The following MOK variants were observed in gnomAD, a reference collection of about 807,000 sequenced individuals.
MOK encodes MAPK/MAK/MRK overlapping kinase.
MOK carries 59 observed loss-of-function variants against 54.2 expected under a neutral mutation model. The ratio of observed to expected loss-of-function variants is 1.09; its 90% CI spans 0.88 to 1.35. The LOEUF is 1.35. Among genes scored for constraint, MOK ranks in the 40% most tolerant of loss-of-function variants. The pLI is 0.00. For missense variants in MOK, 517 were observed against 526.2 expected (o/e 0.98, Z 0.17); for synonymous variants, 210 against 202.7 (o/e 1.04, Z -0.31).
At chr14:102,287,512 T>C (rs2070264125) in intron 1 of MOK, among the ~76,000 whole-genome samples, 1 of 152,162 alleles carries the variant, frequency 6.6e-6, no homozygotes, top group Admixed American at 6.6e-5. Context: ...CTAGAATATA[T>C]AAATAAGTCT....
downstream of MOK, chr14:102,225,971 G>A: frequency 3.1e-6 from 1 of 319,260 alleles, no homozygotes; most frequent in Non-Finnish European, 5.8e-6. Flanking sequence ...ATTAGGCCCA[G>A]AAGAAGCCAG....
the MOK span, among the ~76,000 whole-genome samples, chr14:102,218,241 G>C: frequency 2.8e-4 from 42 of 152,372 alleles, no homozygotes; most frequent in Non-Finnish European, 4.4e-5. Flanking sequence ...GTATTGAACA[G>C]TCCCAGGTGG....
intron 1 of MOK, among the ~76,000 whole-genome samples, chr14:102,295,771 A>G (rs1467302347): frequency 1.3e-5 from 2 of 152,224 alleles, no homozygotes; most frequent in Non-Finnish European, 2.9e-5. Context: ...AATTCTTAAA[A>G]TTTTAAAATT....
rs1301330553 is a variant in MOK at position 102,231,799 on chromosome 14, C to G, written c.889G>C (p.Gly297Arg). 1 of 1,611,980 alleles carries G rather than the reference C, an allele frequency of 6.2e-7. No individual in the cohort carries two copies. Among genetic ancestry groups the G allele is most frequent in the Non-Finnish European group, 8.5e-7 (1 of 1,178,978 alleles). Residue 297 changes from glycine to arginine, a missense_variant, in exon 10 of 12, where the codon GGC becomes CGC. Gly to Arg is a moderately radical substitution (Grantham distance 125). Coordinates refer to ENST00000361847, the MANE Select transcript of MOK (RefSeq NM_014226.3). The surrounding 1 kb of genome is among the most constrained non-coding windows in gnomAD (Gnocchi z 4.4). The stretch of plus-strand genomic sequence containing the variant: ...GGAAAGCCAGCTTTTCTGTGGCTGC[C>G]CAGAGCCCGCTTCTCTGTTTTCCTA... ...EQRKTEKRAL[G>R]SHRKAGFPEH...
In MOK at chr14:102,248,746, CCA is replaced by C. The variant is rs1364524109; in HGVS notation, c.590+2064_590+2065del. Reference sequence around the variant, plus strand: ...TGAGCCCAGATCGCGCCACTGCACTCCAGTCTGGGCGACAGAGCAAGACTCCG... The same window carrying C: ...TGAGCCCAGATCGCGCCACTGCACTCGTCTGGGCGACAGAGCAAGACTCCG... On this transcript the variant is annotated intron_variant, in intron 7 of 11. Coordinates refer to ENST00000361847, the MANE Select transcript of MOK (RefSeq NM_014226.3). Among the ~76,000 whole-genome samples the C allele has an allele frequency of 2.0e-5, 3 of 147,730 alleles. No individual in the cohort carries two copies. In the East Asian group the frequency reaches 6.0e-4, roughly 30 times the overall value.
At chr14:102,247,747 C>G (rs1180614882) in intron 7 of MOK, among the ~76,000 whole-genome samples, 1 of 152,210 alleles carries the variant, frequency 6.6e-6, no homozygotes, top group South Asian at 2.1e-4. Flanking sequence ...TCTAGATGAA[C>G]AGTGTTGCTT....
At chr14:102,278,047 CCTCT>C (rs140047508) in intron 2 of MOK, among the ~76,000 whole-genome samples, 4 of 149,958 alleles carry the variant, frequency 2.7e-5, no homozygotes, top group Non-Finnish European at 4.5e-5. Flanking sequence ...GAACATGCGA[CCTCT>C]CTCTCTCTCT....
intron 1 of MOK, among the ~76,000 whole-genome samples, chr14:102,295,423 A>G: frequency 6.6e-6 from 1 of 152,222 alleles, no homozygotes; most frequent in East Asian, 1.9e-4. Flanking sequence ...GTCACGTTCA[A>G]GTCCAAACAT....
rs1342105326 is a variant in MOK, at chr14:102,238,126, G to A, written c.591-4337C>T. The A allele has an allele frequency of 1.3e-5, 2 of 152,086 alleles. No homozygotes were observed. Among genetic ancestry groups the A allele is most frequent in the Non-Finnish European group, 2.9e-5 (2 of 68,060 alleles). The allele number at this position is 152,086 out of a possible 1,614,324, so 9.4% of individuals were successfully genotyped here. On this transcript the variant is annotated intron_variant, in intron 7 of 11. Coordinates refer to ENST00000361847, the MANE Select transcript of MOK (RefSeq NM_014226.3). The surrounding 1 kb of genome is among the most constrained non-coding windows in gnomAD (Gnocchi z 4.8). ...CTCCGAGCCTCTCACCAACCCCGAT[G>A]ACCAGCTATTTATAGATGGCCCCCC... is the stretch of plus-strand genomic sequence containing the variant.
At chr14:102,248,777 C>CAAAA (rs1228394075) in intron 7 of MOK, among the ~76,000 whole-genome samples, 1 of 49,100 alleles carries the variant, frequency 2.0e-5, no homozygotes, top group African/African-American at 7.9e-5. Context: ...GACTCCGTCT[C>CAAAA]AAAAAAAAAA....
chr14:102,216,692 G>A, the MOK span, among the ~76,000 whole-genome samples: 1 of 152,316 alleles, frequency 6.6e-6, no homozygotes, highest in Non-Finnish European at 1.5e-5. Context: ...CACTTTGGGA[G>A]GCCGAGGCGG....
intron 1 of MOK, 114 bp downstream of exon 1, chr14:102,304,848 A>G: frequency 8.1e-7 from 1 of 1,238,962 alleles, no homozygotes; most frequent in South Asian, 1.3e-5. Context: ...GAGCCACGGC[A>G]GAAGGCGACG....
downstream of MOK, chr14:102,222,893 T>A: frequency 6.2e-7 from 1 of 1,614,132 alleles, no homozygotes; most frequent in Non-Finnish European, 8.5e-7. This position sits in a 1 kb window ranked among gnomAD's most constrained non-coding sequence, Gnocchi z 4.4. Flanking sequence ...GCGACCTCAC[T>A]GCTGCGCGCA....
At chr14:102,226,505 G>A, downstream of MOK, 1 of 698,266 alleles carries the variant, frequency 1.4e-6, no homozygotes, top group Admixed American at 2.0e-5. This position sits in a 1 kb window ranked among gnomAD's most constrained non-coding sequence, Gnocchi z 4.8. Flanking sequence ...TGGGGTGGCA[G>A]AGGCCCCGCC....
intron 2 of MOK, among the ~76,000 whole-genome samples, chr14:102,276,935 A>G (rs935419860): frequency 6.6e-6 from 1 of 151,656 alleles, no homozygotes; most frequent in African/African-American, 2.4e-5. Context: ...TGCAGCCTCA[A>G]CTTCCTAGGC....
Position 102,231,669 on chromosome 14 carries a change from T to C in MOK, c.981+38A>G, listed in dbSNP as rs374043027. The C allele has an allele frequency of 1.3e-6, 2 of 1,585,172 alleles. No homozygotes were observed. The highest frequency in any genetic ancestry group is 2.7e-5 in the African/African-American group (2 of 74,462). On this transcript the variant is annotated intron_variant, in intron 10 of 11. Coordinates refer to ENST00000361847, the MANE Select transcript of MOK (RefSeq NM_014226.3). This position sits in a 1 kb window ranked among gnomAD's most constrained non-coding sequence, Gnocchi z 4.4. ...CCACCCGAGGGCATCCAGTCCCGGC[T>C]GAGCTAGGCAGTCTCCGGCTCCGAT...
At chr14:102,216,100 G>A in the MOK span, among the ~76,000 whole-genome samples, 4 of 152,156 alleles carry the variant, frequency 2.6e-5, no homozygotes, top group Admixed American at 6.5e-5. Context: ...CACGTTCATC[G>A]GGTGGGGAAC....
intron 2 of MOK, among the ~76,000 whole-genome samples, chr14:102,276,937 T>C (rs927219697): frequency 6.6e-6 from 1 of 151,780 alleles, no homozygotes; most frequent in South Asian, 2.1e-4. Context: ...CAGCCTCAAC[T>C]TCCTAGGCTC....
chr14:102,215,414 A>C, the MOK span, among the ~76,000 whole-genome samples: 8 of 152,284 alleles, frequency 5.3e-5, no homozygotes, highest in South Asian at 8.3e-4. Context: ...CCACCCAGCC[A>C]GCAGCTGGGA....
Sources: gnomAD v4.1 joint callset for allele counts (sites outside exome capture counted in the v4.1 genomes callset) on GRCh38, gnomAD v4.1.1 for gene constraint, Gnocchi (gnomAD v3.1) non-coding constraint, MANE v1.5 for transcripts, NCBI Gene and HGNC (gene_info 2026-07-23, HGNC 2026-07-21) for gene names.